XKR4: variants seen among roughly 807,000 people sequenced by gnomAD.
XKR4 encodes XK related 4.
A neutral mutation model predicts 53.9 loss-of-function variants in XKR4; 12 were observed. That is an observed-to-expected ratio of 0.22 (90% CI 0.14 to 0.36). The LOEUF is 0.36. Ranked by LOEUF, XKR4 falls within the 10% of genes least tolerant of loss-of-function variation. The probability of loss-of-function intolerance (pLI) is 1.00; values close to 1 mark genes in which losing one functional copy is unlikely to be tolerated. For synonymous variants in XKR4, 354 were observed against 362.4 expected, an observed-to-expected ratio of 0.98 and a Z score of 0.26; for missense variants, 799 against 859.5, an observed-to-expected ratio of 0.93 and a Z score of 0.88.
chr8:55,180,683 C>T (rs1817298662), intron 1 of XKR4, among the ~76,000 whole-genome samples: 1 of 152,134 alleles, frequency 6.6e-6, no homozygotes, highest in Non-Finnish European at 1.5e-5. Context: ...AGGCACCCGC[C>T]ACCACACTTG....
At chr8:55,186,003 A>T (rs1053298412) in intron 1 of XKR4, among the ~76,000 whole-genome samples, 8 of 152,240 alleles carry the variant, frequency 5.3e-5, no homozygotes, top group African/African-American at 1.9e-4. Context: ...TATTTTGGGG[A>T]AAGAAAATAC....
At chr8:55,491,061 A>C (rs563766381) in intron 2 of XKR4, among the ~76,000 whole-genome samples, 1 of 151,370 alleles carries the variant, frequency 6.6e-6, no homozygotes, top group Non-Finnish European at 1.5e-5. Flanking sequence ...GATGGTTTCT[A>C]TTCCTATGTA....
intron 2 of XKR4, among the ~76,000 whole-genome samples, chr8:55,460,011 G>GAAAA (rs34496086): frequency 1.5e-5 from 2 of 134,040 alleles, no homozygotes; most frequent in Non-Finnish European, 1.6e-5. Flanking sequence ...GCCAAATGCT[G>GAAAA]AAAAAAAAAA....
At chr8:55,155,215 C>T (rs1816888042) in intron 1 of XKR4, among the ~76,000 whole-genome samples, 1 of 152,172 alleles carries the variant, frequency 6.6e-6, no homozygotes, top group African/African-American at 2.4e-5. Context: ...CCTCTTCCCA[C>T]ATTGCTGCTC....
intron 2 of XKR4, among the ~76,000 whole-genome samples, chr8:55,459,311 T>C (rs943033115): frequency 1.3e-5 from 2 of 152,168 alleles, no homozygotes; most frequent in Non-Finnish European, 2.9e-5. Context: ...AAGTAAGAGC[T>C]AAAACTATAA....
At chr8:55,476,520 G>A (rs935787301) in intron 2 of XKR4, among the ~76,000 whole-genome samples, 2 of 151,502 alleles carry the variant, frequency 1.3e-5, no homozygotes, top group Non-Finnish European at 2.9e-5. Context: ...TCCATCTGAA[G>A]TACTGGGTTC....
intron 2 of XKR4, among the ~76,000 whole-genome samples, chr8:55,458,975 T>C (rs918102730): frequency 6.6e-6 from 1 of 152,226 alleles, no homozygotes; most frequent in African/African-American, 2.4e-5. Flanking sequence ...CCCCACCCTT[T>C]TCTACCTAGT....
chr8:55,475,225 T>G (rs1805959995), intron 2 of XKR4, among the ~76,000 whole-genome samples: 3 of 152,066 alleles, frequency 2.0e-5, no homozygotes, highest in African/African-American at 7.3e-5. Context: ...GGCACCCAGA[T>G]GCAGAGAGCA....
intron 1 of XKR4, among the ~76,000 whole-genome samples, chr8:55,281,129 C>T (rs1363381202): frequency 1.3e-5 from 2 of 152,146 alleles, no homozygotes; most frequent in Non-Finnish European, 1.5e-5. Context: ...AGAAAAAAAT[C>T]AGGGAACTTC....
At chr8:55,306,502 G>T (rs1819302090) in intron 1 of XKR4, among the ~76,000 whole-genome samples, 1 of 152,186 alleles carries the variant, frequency 6.6e-6, no homozygotes, top group Non-Finnish European at 1.5e-5. Context: ...GGCTGGGGAA[G>T]CCTCACTATC....
intron 1 of XKR4, among the ~76,000 whole-genome samples, chr8:55,299,346 G>A (rs1403180560): frequency 2.6e-5 from 4 of 152,270 alleles, no homozygotes; most frequent in East Asian, 1.9e-4. Context: ...ACAAGGCTCC[G>A]TGTGACCTCC....
intron 1 of XKR4, among the ~76,000 whole-genome samples, chr8:55,127,002 T>A (rs1816476269): frequency 6.6e-6 from 1 of 152,184 alleles, no homozygotes. Context: ...GGAAATTTCA[T>A]CCAGTTGGAT....
At position 55,439,393 on chromosome 8, in the gene XKR4, C is replaced by T. The variant is rs114269740; in HGVS notation, c.1006+81516C>T. The stretch of plus-strand genomic sequence containing the variant: ...ACAAAATTCTCTAAAGGGAACAGAC[C>T]ACCATGAGTGTGAGGCAGAAGACCT... On this transcript the variant is annotated intron_variant, in intron 2 of 2. Transcript: ENST00000327381. Among the ~76,000 whole-genome samples the T allele has an allele frequency of 3.4e-3, 493 of 143,534 alleles. 4 individuals carry two copies. The highest frequency in any genetic ancestry group is 0.012 in the African/African-American group (467 of 37,734). The allele number at this position is 143,534 out of a possible 152,430, so 94.2% of individuals were successfully genotyped here.
chr8:55,162,144 C>T (rs1006786393), intron 1 of XKR4, among the ~76,000 whole-genome samples: 1 of 152,192 alleles, frequency 6.6e-6, no homozygotes, highest in African/African-American at 2.4e-5. Context: ...GACTCTTTTC[C>T]TCTCCACTCC....
chr8:55,289,587 G>GAA lies in XKR4; in HGVS notation c.807-68089_807-68088dup, dbSNP rs1491077937. On this transcript the variant is annotated intron_variant, in intron 1 of 2. Transcript: ENST00000327381. ...AAGGAAGGAGAGAGAAAGGAAGAAA[G>GAA]AAAGAGAAAGAAAGAAAGAAAGAAA... is the stretch of plus-strand genomic sequence containing the variant. Among the ~76,000 whole-genome samples the GAA allele has an allele frequency of 4.1e-4, 31 of 75,992 alleles. 1 individual carries two copies. Among genetic ancestry groups the GAA allele is most frequent in the African/African-American group, 1.3e-3 (29 of 21,642 alleles). 49.9% of individuals were successfully genotyped at this position (75,992 alleles called of 152,430 possible).
At chr8:55,465,777 A>G (rs1486174618) in intron 2 of XKR4, among the ~76,000 whole-genome samples, 18 of 152,012 alleles carry the variant, frequency 1.2e-4, no homozygotes, top group African/African-American at 4.4e-4. Context: ...AATGAACTCA[A>G]ACAAATTTAC....
chr8:55,353,263 C>T (rs557860699), intron 1 of XKR4, among the ~76,000 whole-genome samples: 2 of 152,282 alleles, frequency 1.3e-5, no homozygotes, highest in East Asian at 3.9e-4. Context: ...AGATCTTTGT[C>T]ATGATCAAGT....
rs565503028 is a variant in XKR4, at chr8:55,491,942, G to A, written c.1007-31339G>A. 1.2e-4 allele frequency among the ~76,000 whole-genome samples: 19 copies of A among 152,310 alleles called. No homozygotes were observed. In the South Asian group the frequency reaches 2.7e-3, roughly 22 times the overall value. On this transcript the variant is annotated intron_variant, in intron 2 of 2. Coordinates refer to ENST00000327381, the MANE Select transcript of XKR4 (RefSeq NM_052898.2). ...TCAACAAAAAACTCAAGAGGATGCC[G>A]ATGCAGGTTTCTGGAACTTTCTCTT...
intron 2 of XKR4, chr8:55,451,300 G>T: frequency 1.7e-6 from 1 of 596,734 alleles, no homozygotes. Flanking sequence ...AGTCAGTCTG[G>T]ATGCCGCCGC....
Sources: gnomAD v4.1 joint callset for allele counts (sites outside exome capture counted in the v4.1 genomes callset) on GRCh38, gnomAD v4.1.1 for gene constraint, MANE v1.5 for transcripts, NCBI Gene and HGNC (gene_info 2026-07-23, HGNC 2026-07-21) for gene names.